Variants in MRPL1 observed in about 807,000 individuals in gnomAD.
The protein encoded by MRPL1 is mitochondrial ribosomal protein L1.
A neutral mutation model predicts 38.0 loss-of-function variants in MRPL1; 28 were observed. The observed-to-expected ratio is 0.74, with a 90% CI of 0.55 to 1.01. MRPL1 has a LOEUF of 1.01. MRPL1 is among the 50% of genes least tolerant of loss of function. MRPL1 has a pLI of 0.00. For missense variants in MRPL1, 358 were observed against 389.8 expected (o/e 0.92, Z 0.69); for synonymous variants, 123 against 126.7 (o/e 0.97, Z 0.20).
chr4:77,921,764 C>A (rs1365846462), intron 7 of MRPL1, among the ~76,000 whole-genome samples: 1 of 148,836 alleles, frequency 6.7e-6, no homozygotes, highest in African/African-American at 2.5e-5. Context: ...AAAAGCCTTT[C>A]GTGCAGAGTT....
At position 77,927,191 on chromosome 4, in the gene MRPL1, A is replaced by G. The variant is rs559356217; in HGVS notation, c.777+17819A>G. On this transcript the variant is annotated intron_variant, in intron 7 of 8. Transcript: ENST00000315567. Reference sequence around the variant, plus strand: ...TCTCACAGAATAGTTTTTCAATGACATGCAACCTAATTAATTTTAGTTACA... The same window carrying G: ...TCTCACAGAATAGTTTTTCAATGACGTGCAACCTAATTAATTTTAGTTACA... 2.0e-5 allele frequency among the ~76,000 whole-genome samples: 3 copies of G among 152,356 alleles called. No individual in the cohort carries two copies. The South Asian group carries it at 6.2e-4, about 32-fold the overall frequency.
At chr4:77,879,395 A>C (rs1025449989) in intron 2 of MRPL1, among the ~76,000 whole-genome samples, 8 of 152,206 alleles carry the variant, frequency 5.3e-5, no homozygotes, top group Non-Finnish European at 1.2e-4. Context: ...ACCACTTTAA[A>C]TATGTTGTGA....
At chr4:77,949,676 T>C in intron 7 of MRPL1, 121 bp from the exon 8 acceptor site, 2 of 572,834 alleles carry the variant, frequency 3.5e-6, no homozygotes, top group South Asian at 6.1e-5. Context: ...GTTTTCCCCT[T>C]TCACAGTAGG....
Position 77,883,318 on chromosome 4 carries a change from G to C in MRPL1, c.220G>C (p.Ala74Pro). The C allele has an allele frequency of 1.2e-6, 2 of 1,611,150 alleles. No homozygotes were observed. The highest frequency in any genetic ancestry group is 1.7e-6 in the Non-Finnish European group (2 of 1,178,962). The stretch of plus-strand genomic sequence containing the variant: ...AAAAGATGAAATAGAAAAAATAAAA[G>C]CATATCCCTATATGGAAGGCGAACC... ...EKKDEIEKIK[A>P]YPYMEGEPED... Residue 74 changes from alanine to proline, a missense_variant, in exon 3 of 9, where the codon GCA (alanine) becomes CCA (proline). By Grantham distance (27) the Ala-to-Pro change is conservative. Transcript: ENST00000315567.
At chr4:77,939,515 T>C (rs1022653094) in intron 7 of MRPL1, among the ~76,000 whole-genome samples, 1 of 152,240 alleles carries the variant, frequency 6.6e-6, no homozygotes, top group African/African-American at 2.4e-5. Flanking sequence ...TGATTGTTTC[T>C]TTTGCTGCGC....
intron 2 of MRPL1, among the ~76,000 whole-genome samples, chr4:77,876,954 G>C (rs1171605920): frequency 6.6e-6 from 1 of 152,262 alleles, no homozygotes; most frequent in East Asian, 1.9e-4. Flanking sequence ...AGGCTGGAAT[G>C]CAATGGCGTG....
At chr4:77,910,304 T>C (rs1360389225) in intron 7 of MRPL1, among the ~76,000 whole-genome samples, 5 of 152,172 alleles carry the variant, frequency 3.3e-5, no homozygotes, top group Admixed American at 2.0e-4. Context: ...ACTGGAATTA[T>C]TTGAATAGCT....
intron 2 of MRPL1, among the ~76,000 whole-genome samples, chr4:77,879,502 A>G (rs928795902): frequency 1.3e-5 from 2 of 152,226 alleles, no homozygotes; most frequent in African/African-American, 4.8e-5. Flanking sequence ...ATTAATTTAA[A>G]AAGTCATATT....
intron 1 of MRPL1, among the ~76,000 whole-genome samples, chr4:77,864,982 C>G (rs906127514): frequency 1.3e-5 from 2 of 151,638 alleles, no homozygotes; most frequent in African/African-American, 4.9e-5. Flanking sequence ...CTCTGCCTCC[C>G]GGGTTCAAGC....
intron 7 of MRPL1, among the ~76,000 whole-genome samples, chr4:77,918,904 A>G (rs1003022577): frequency 2.0e-5 from 3 of 152,164 alleles, no homozygotes; most frequent in Non-Finnish European, 4.4e-5. Flanking sequence ...TTATTAAACA[A>G]CATTTCAAAT....
At chr4:77,885,167 A>G (rs1735645393) in intron 3 of MRPL1, 89 bp from the exon 4 acceptor site, 2 of 996,272 alleles carry the variant, frequency 2.0e-6, no homozygotes, top group Admixed American at 3.7e-5. Context: ...AACACTGAAA[A>G]CAAAACATGT....
In MRPL1 at chr4:77,905,747, T is replaced by C. The variant is rs75438089; in HGVS notation, c.671-3519T>C. 5.3e-3 allele frequency among the ~76,000 whole-genome samples: 800 copies of C among 152,316 alleles called. 7 individuals are homozygous for C. Among genetic ancestry groups the C allele is most frequent in the African/African-American group, 0.018 (751 of 41,568 alleles). ...ATACAGATATATACATTTTTTGATA[T>C]TCCATCAGACCTTCACTTTAGTATG... On this transcript the variant is annotated intron_variant, in intron 6 of 8. Transcript: ENST00000315567.
intron 1 of MRPL1, among the ~76,000 whole-genome samples, chr4:77,870,191 G>A (rs1351665253): frequency 2.6e-5 from 4 of 152,162 alleles, no homozygotes; most frequent in Non-Finnish European, 5.9e-5. Flanking sequence ...ACTGTGACTG[G>A]CCTTGATTTT....
intron 6 of MRPL1, among the ~76,000 whole-genome samples, chr4:77,905,467 A>G (rs774433043): frequency 7.6e-6 from 1 of 132,232 alleles, no homozygotes; most frequent in Non-Finnish European, 1.6e-5. Flanking sequence ...ACTGTACTCC[A>G]GCCTGGGCAA....
chr4:77,910,622 C>G (rs1736266059), intron 7 of MRPL1, among the ~76,000 whole-genome samples: 1 of 152,166 alleles, frequency 6.6e-6, no homozygotes, highest in African/African-American at 2.4e-5. Context: ...AAAGAAAAAG[C>G]TGGGTGCTAT....
At chr4:77,905,888 T>A (rs1174339993) in intron 6 of MRPL1, among the ~76,000 whole-genome samples, 1 of 152,240 alleles carries the variant, frequency 6.6e-6, no homozygotes, top group African/African-American at 2.4e-5. Flanking sequence ...TATGTGTTTA[T>A]TCTTCCAGGA....
At chr4:77,872,400 G>A (rs1016969320) in intron 2 of MRPL1, among the ~76,000 whole-genome samples, 1 of 152,044 alleles carries the variant, frequency 6.6e-6, no homozygotes, top group Non-Finnish European at 1.5e-5. Context: ...TACATAGTAA[G>A]ATTTCAGATT....
intron 7 of MRPL1, among the ~76,000 whole-genome samples, chr4:77,915,228 C>T (rs539299737): frequency 6.6e-6 from 1 of 152,212 alleles, no homozygotes; most frequent in Non-Finnish European, 1.5e-5. Context: ...TTATAGTTTT[C>T]CTTCTGTATC....
At chr4:77,939,643 A>T (rs1369999268) in intron 7 of MRPL1, among the ~76,000 whole-genome samples, 2 of 152,110 alleles carry the variant, frequency 1.3e-5, no homozygotes, top group Non-Finnish European at 2.9e-5. Flanking sequence ...GGTTTTTCCG[A>T]TGTTATCTTC....
Sources: allele counts gnomAD v4.1 joint callset (sites outside exome capture counted in the v4.1 genomes callset), GRCh38; gene constraint gnomAD v4.1.1; transcripts MANE v1.5; gene names NCBI Gene and HGNC (gene_info 2026-07-23, HGNC 2026-07-21).